The following ARFGEF1 variants were observed in gnomAD, a reference collection of about 807,000 sequenced individuals.
ARFGEF1 encodes brefeldin A-inhibited guanine nucleotide-exchange protein 1.
A neutral mutation model predicts 231.0 loss-of-function variants in ARFGEF1; 42 were observed. The ratio of observed to expected loss-of-function variants is 0.18; its 90% CI spans 0.14 to 0.24. ARFGEF1 has a LOEUF of 0.24. Ranked by LOEUF, ARFGEF1 falls within the 10% of genes least tolerant of loss-of-function variation. ARFGEF1 has a pLI of 1.00. For missense variants in ARFGEF1, 1,345 were observed against 2,192.0 expected, an observed-to-expected ratio of 0.61 and a Z score of 7.72; for synonymous variants, 710 against 732.3, an observed-to-expected ratio of 0.97 and a Z score of 0.49.
chr8:67,252,673 G>A (rs1840334039), intron 18 of ARFGEF1, among the ~76,000 whole-genome samples: 1 of 152,110 alleles, frequency 6.6e-6, no homozygotes, highest in Admixed American at 6.5e-5. Flanking sequence ...TCAGATTTCA[G>A]CTCAAATTTA....
intron 17 of ARFGEF1, among the ~76,000 whole-genome samples, chr8:67,254,511 A>G (rs189275421): frequency 8.3e-4 from 126 of 152,288 alleles, no homozygotes; most frequent in Middle Eastern, 6.8e-3. Flanking sequence ...CAGAAAAACA[A>G]TCAAGCAAGT....
chr8:67,271,515 G>T (rs960303232), intron 10 of ARFGEF1, among the ~76,000 whole-genome samples, 187 bp downstream of exon 10: 1 of 152,090 alleles, frequency 6.6e-6, no homozygotes, highest in Admixed American at 6.5e-5. Context: ...TGCATTCTTA[G>T]TGCTTATCCA....
intron 19 of ARFGEF1, among the ~76,000 whole-genome samples, chr8:67,250,681 C>T (rs1840254888): frequency 6.6e-6 from 1 of 152,108 alleles, no homozygotes; most frequent in South Asian, 2.1e-4. Flanking sequence ...TATACTTTAC[C>T]CACTTCCTCT....
chr8:67,275,299 A>C (rs148593844), intron 9 of ARFGEF1, among the ~76,000 whole-genome samples: 3 of 152,186 alleles, frequency 2.0e-5, no homozygotes, highest in African/African-American at 7.2e-5. Context: ...AAAAGTAATT[A>C]GTTACATTTG....
At chr8:67,289,653 T>C (rs1805923122) in intron 6 of ARFGEF1, among the ~76,000 whole-genome samples, 1 of 151,936 alleles carries the variant, frequency 6.6e-6, no homozygotes, top group African/African-American at 2.4e-5. Context: ...ATTTCACTTT[T>C]ACTAATTTAC....
intron 18 of ARFGEF1, 126 bp from the exon 19 acceptor site, chr8:67,251,576 G>T: frequency 1.1e-6 from 1 of 905,066 alleles, no homozygotes; most frequent in South Asian, 2.3e-5. Flanking sequence ...AGACACAAGA[G>T]ATCCCATATT....
chr8:67,228,185 C>T (rs1839439098), intron 24 of ARFGEF1, 39 bp downstream of exon 24: 1 of 1,607,974 alleles, frequency 6.2e-7, no homozygotes, highest in African/African-American at 1.3e-5. Context: ...TATTTTAGCC[C>T]CAAGCCAGTT....
At chr8:67,218,184 C>T (rs768727706) in intron 30 of ARFGEF1, 46 bp from the exon 31 acceptor site, 4 of 654,206 alleles carry the variant, frequency 6.1e-6, no homozygotes, top group South Asian at 5.9e-5. Context: ...TAATCAACTA[C>T]TATGATTAAA....
intron 33 of ARFGEF1, among the ~76,000 whole-genome samples, chr8:67,215,775 T>C (rs931319573): frequency 6.6e-6 from 1 of 152,222 alleles, no homozygotes; most frequent in Non-Finnish European, 1.5e-5. Context: ...AACCATGAGA[T>C]AGTAGGTTTC....
intron 22 of ARFGEF1, among the ~76,000 whole-genome samples, chr8:67,233,469 C>T (rs569276980): frequency 6.6e-6 from 1 of 152,056 alleles, no homozygotes; most frequent in East Asian, 1.9e-4. Flanking sequence ...ACAATATTCC[C>T]AGTCTTCAAA....
At chr8:67,247,563 C>T (rs1840145765) in intron 19 of ARFGEF1, among the ~76,000 whole-genome samples, 1 of 150,000 alleles carries the variant, frequency 6.7e-6, no homozygotes, top group Non-Finnish European at 1.5e-5. Flanking sequence ...AGGAATATTC[C>T]TCAACACAAT....
Position 67,198,103 on chromosome 8 carries a change from C to T in ARFGEF1, c.*831G>A, listed in dbSNP as rs1838160044. 1.3e-5 allele frequency: 13 copies of T among 985,562 alleles called. No homozygotes were observed. Among genetic ancestry groups the T allele is most frequent in the Non-Finnish European group, 1.3e-5 (11 of 829,898 alleles). The allele number at this position is 985,562 out of a possible 1,614,324, so 61.1% of individuals were successfully genotyped here. On this transcript the variant is annotated 3_prime_UTR_variant, in exon 39 of 39. Transcript: ENST00000262215. ...TTTTAATGGCTCATCTTTAAAAGTC[C>T]TAAGAGAAATATGTGACAGGTAGTT...
At chr8:67,222,453 A>T (rs931545905) in intron 29 of ARFGEF1, among the ~76,000 whole-genome samples, 1 of 150,596 alleles carries the variant, frequency 6.6e-6, no homozygotes, top group African/African-American at 2.4e-5. Context: ...TGTATTTTTT[A>T]ATTTTTATTT....
In ARFGEF1 at chr8:67,336,818, A is replaced by C. The variant is rs1808362636; in HGVS notation, c.124+6346T>G. Among the ~76,000 whole-genome samples the C allele has an allele frequency of 7.2e-5, 11 of 152,172 alleles. No homozygotes were observed. In the South Asian group the frequency reaches 2.3e-3, roughly 31 times the overall value. On this transcript the variant is annotated intron_variant, in intron 1 of 38. Transcript: ENST00000262215. Reference sequence around the variant, plus strand: ...GTGAAAGGCTCATTTCTTTGATAAAAAAACCTCCCTGCAAAAAACCTGACA... The same window carrying C: ...GTGAAAGGCTCATTTCTTTGATAAACAAACCTCCCTGCAAAAAACCTGACA...
intron 10 of ARFGEF1, among the ~76,000 whole-genome samples, chr8:67,268,226 T>C (rs1042221584): frequency 6.6e-6 from 1 of 152,230 alleles, no homozygotes; most frequent in Non-Finnish European, 1.5e-5. Context: ...TGATTTTCTT[T>C]CACAAAACTC....
At position 67,257,728 on chromosome 8, in the gene ARFGEF1, A is replaced by G; in HGVS notation, c.2526+4T>C. On this transcript the variant is annotated splice_donor_region_variant and intron_variant, in intron 17 of 38. Transcript: ENST00000262215. ...TTGTAAAACTGACTTAAAAGAAAACATACCTGTGGACTGTGAAGGTCTGTG... is the reference window on the plus strand; with the variant it reads ...TTGTAAAACTGACTTAAAAGAAAACGTACCTGTGGACTGTGAAGGTCTGTG... The G allele has an allele frequency of 6.3e-7, 1 of 1,587,834 alleles. No homozygotes were observed. The highest frequency in any genetic ancestry group is 1.1e-5 in the South Asian group (1 of 87,476).
At chr8:67,261,446 C>G (rs553513084) in intron 14 of ARFGEF1, among the ~76,000 whole-genome samples, 1 of 152,144 alleles carries the variant, frequency 6.6e-6, no homozygotes, top group Non-Finnish European at 1.5e-5. Flanking sequence ...AGAAATGGAA[C>G]AACAAAGCCT....
At chr8:67,217,970 A>T (rs367793001) in intron 31 of ARFGEF1, 33 bp downstream of exon 31, 2 of 1,612,070 alleles carry the variant, frequency 1.2e-6, no homozygotes, top group Non-Finnish European at 1.7e-6. Flanking sequence ...GTCACATTTA[A>T]CACTTTGTGT....
At chr8:67,277,747 A>T (rs929534361) in intron 7 of ARFGEF1, among the ~76,000 whole-genome samples, 17 of 152,186 alleles carry the variant, frequency 1.1e-4, no homozygotes, top group Admixed American at 5.2e-4. Flanking sequence ...GCATTTACTG[A>T]ACTGGGTTTT....
Sources: gnomAD v4.1 joint callset for allele counts (sites outside exome capture counted in the v4.1 genomes callset) on GRCh38, gnomAD v4.1.1 for gene constraint, MANE v1.5 for transcripts, NCBI Gene and HGNC (gene_info 2026-07-23, HGNC 2026-07-21) for gene names.